RHBDL3: variants seen among roughly 807,000 people sequenced by gnomAD.
The protein encoded by RHBDL3 is rhomboid-related protein 3.
Under a neutral mutation model 48.2 loss-of-function variants are expected in RHBDL3, and 28 were observed. That is an observed-to-expected ratio of 0.58 (90% CI 0.43 to 0.80). The LOEUF is 0.80. RHBDL3 is among the 30% of genes least tolerant of loss of function. The pLI is 0.00. For synonymous variants in RHBDL3, 208 were observed against 232.3 expected, an observed-to-expected ratio of 0.90 and a Z score of 0.95; for missense variants, 464 against 542.7, an observed-to-expected ratio of 0.85 and a Z score of 1.44.
At chr17:32,287,450 A>G (rs2040224633) in intron 3 of RHBDL3, among the ~76,000 whole-genome samples, 1 of 152,164 alleles carries the variant, frequency 6.6e-6, no homozygotes, top group Non-Finnish European at 1.5e-5. Context: ...GAGAATGGGG[A>G]TAGAGAATGG....
chr17:32,302,552 T>TATATA (rs1491108296), intron 6 of RHBDL3, among the ~76,000 whole-genome samples: 3 of 38,998 alleles, frequency 7.7e-5, no homozygotes, highest in African/African-American at 2.6e-4. Flanking sequence ...TATATATATA[T>TATATA]TTTTTTTTAG....
At chr17:32,314,006 G>A (rs1204125841) in intron 7 of RHBDL3, among the ~76,000 whole-genome samples, 1 of 152,090 alleles carries the variant, frequency 6.6e-6, no homozygotes. Flanking sequence ...TGATCTGTCC[G>A]ACTCGGCCTC....
intron 1 of RHBDL3, among the ~76,000 whole-genome samples, chr17:32,267,439 A>AGGG (rs147012572): frequency 0.021 from 2,847 of 135,460 alleles, 67 homozygotes; most frequent in Non-Finnish European, 0.026. Context: ...CTGGGGGGGG[A>AGGG]GGGGGGGGCT....
intron 2 of RHBDL3, among the ~76,000 whole-genome samples, chr17:32,275,779 C>G (rs2039882772): frequency 6.6e-6 from 1 of 152,004 alleles, no homozygotes; most frequent in Non-Finnish European, 1.5e-5. Flanking sequence ...GAGGGCTGAG[C>G]TGCCTCCCGC....
At chr17:32,272,963 T>C (rs2039808359) in intron 2 of RHBDL3, among the ~76,000 whole-genome samples, 1 of 152,220 alleles carries the variant, frequency 6.6e-6, no homozygotes, top group African/African-American at 2.4e-5. Context: ...AGAAGGTTAA[T>C]GGAGGCATCT....
chr17:32,270,468 A>C (rs1466070256), intron 2 of RHBDL3, among the ~76,000 whole-genome samples: 1 of 151,904 alleles, frequency 6.6e-6, no homozygotes, highest in Non-Finnish European at 1.5e-5. Flanking sequence ...ACTGGACCCC[A>C]AGGGCTAGAA....
intron 1 of RHBDL3, among the ~76,000 whole-genome samples, chr17:32,266,983 C>T (rs982401294): frequency 6.6e-6 from 1 of 152,092 alleles, no homozygotes; most frequent in Non-Finnish European, 1.5e-5. Context: ...GCTCGGGTCT[C>T]CATCCCTCCG....
chr17:32,321,283 C>A lies in RHBDL3; in HGVS notation c.*54C>A. 3.1e-6 allele frequency: 5 copies of A among 1,610,330 alleles called. No homozygotes were observed. The highest frequency in any genetic ancestry group is 4.2e-6 in the Non-Finnish European group (5 of 1,179,150). ...AGGGAAAAGCAGCACCCACAGGGAG[C>A]GCCTGCGAGGTTTCTTCTCATCACC... On this transcript the variant is annotated 3_prime_UTR_variant, in exon 9 of 9. Coordinates refer to ENST00000269051, the MANE Select transcript of RHBDL3 (RefSeq NM_138328.3).
In RHBDL3 at chr17:32,316,232, A is replaced by C; in HGVS notation, c.883A>C (p.Asn295His). The C allele has an allele frequency of 1.2e-6, 2 of 1,612,650 alleles. No homozygotes were observed. The highest frequency in any genetic ancestry group is 1.7e-6 in the Non-Finnish European group (2 of 1,178,772). Reference protein sequence around the residue: ...VSAHLANIVMNWSGMKCQFKL... With the variant: ...VSAHLANIVMHWSGMKCQFKL... ...TGACTGAGCTCTCCTTTTTCCCTAGAACTGGTCAGGCATGAAGTGCCAGTT... is the reference window on the plus strand; with the variant it reads ...TGACTGAGCTCTCCTTTTTCCCTAGCACTGGTCAGGCATGAAGTGCCAGTT... The change falls in exon 8 of 9, where the codon AAC (asparagine) becomes CAC (histidine). Residue 295 changes from asparagine to histidine, a missense_variant and splice_region_variant. Physicochemically the swap from Asn to His is moderately conservative, Grantham distance 68. Coordinates refer to ENST00000269051, the MANE Select transcript of RHBDL3 (RefSeq NM_138328.3).
chr17:32,284,670 G>T lies in RHBDL3; in HGVS notation c.147G>T (p.Gly49=). ...WKVLFDQFDP[G]NTGYISTGKF... Reference sequence around the variant, plus strand: ...TGCTTTTCCCTCAGTTTGACCCTGGGAACACAGGCTACATTAGCACAGGCA... The same window carrying T: ...TGCTTTTCCCTCAGTTTGACCCTGGTAACACAGGCTACATTAGCACAGGCA... The change falls in exon 3 of 9, where the codon GGG becomes GGT. Residue 49 remains glycine, a synonymous_variant. Transcript: ENST00000269051. 1 of 1,614,068 alleles carries T rather than the reference G, an allele frequency of 6.2e-7. No individual in the cohort carries two copies. Among genetic ancestry groups the T allele is most frequent in the South Asian group, 1.1e-5 (1 of 91,080 alleles).
intron 4 of RHBDL3, 127 bp from the exon 5 acceptor site, chr17:32,294,167 G>A: frequency 2.8e-6 from 2 of 708,178 alleles, no homozygotes; most frequent in Non-Finnish European, 2.3e-6. Context: ...CCTGGCTGTG[G>A]GGTATCCCTC....
chr17:32,305,197 T>C (rs1165174199), intron 6 of RHBDL3, 144 bp from the exon 7 acceptor site: 2 of 643,270 alleles, frequency 3.1e-6, no homozygotes, highest in Non-Finnish European at 5.7e-6. Flanking sequence ...GGAATCTCCC[T>C]GGCAACATGG....
chr17:32,316,632 C>T (rs960134420), intron 8 of RHBDL3, among the ~76,000 whole-genome samples: 19 of 152,000 alleles, frequency 1.3e-4, no homozygotes, highest in African/African-American at 4.6e-4. Context: ...GATCCTCCCT[C>T]TTCAGCCTCC....
intron 2 of RHBDL3, among the ~76,000 whole-genome samples, chr17:32,269,135 C>G (rs963583186): frequency 1.1e-4 from 16 of 152,082 alleles, no homozygotes. Flanking sequence ...ATCACTTGAA[C>G]CCAGTAGTTC....
intron 2 of RHBDL3, among the ~76,000 whole-genome samples, chr17:32,279,066 T>C (rs561719323): frequency 9.5e-4 from 144 of 152,016 alleles, no homozygotes; most frequent in South Asian, 2.3e-3. Context: ...AATTCAAGGT[T>C]ATGAATTCTA....
In RHBDL3 at chr17:32,317,625, C is replaced by T. The variant is rs1016533402; in HGVS notation, c.943+1333C>T. The stretch of plus-strand genomic sequence containing the variant: ...AGTTGGTTAGCAAAACCAAGAAATT[C>T]GTTTTGGGATTGTGTGTGATTTTGA... On this transcript the variant is annotated intron_variant, in intron 8 of 8. Transcript: ENST00000269051. Among the ~76,000 whole-genome samples, 4 of 152,084 alleles carry T rather than the reference C, an allele frequency of 2.6e-5. No homozygotes were observed. The South Asian group carries it at 6.2e-4, about 24-fold the overall frequency.
rs575456210 is a variant in RHBDL3, at chr17:32,268,034, G to C, written c.135+109G>C. On this transcript the variant is annotated intron_variant, in intron 2 of 8. Coordinates refer to ENST00000269051, the MANE Select transcript of RHBDL3 (RefSeq NM_138328.3). ...CTCCGCGCTCCTGAGATGGTGACGT[G>C]GGGTGGGGGTGTGGCTTTGTGCATC... 4.7e-6 allele frequency: 4 copies of C among 849,556 alleles called. No homozygotes were observed. In the Admixed American group the frequency reaches 6.9e-5, roughly 15 times the overall value. 52.6% of individuals were successfully genotyped at this position (849,556 alleles called of 1,614,324 possible).
At chr17:32,274,130 C>T (rs377585771) in intron 2 of RHBDL3, among the ~76,000 whole-genome samples, 22 of 152,216 alleles carry the variant, frequency 1.4e-4, no homozygotes, top group African/African-American at 5.1e-4. Flanking sequence ...TGAAAAATCA[C>T]ATTTCCCCTG....
At chr17:32,276,464 C>A (rs2150695883) in intron 2 of RHBDL3, among the ~76,000 whole-genome samples, 1 of 152,254 alleles carries the variant, frequency 6.6e-6, no homozygotes, top group Non-Finnish European at 1.5e-5. Flanking sequence ...CATGAAAGGG[C>A]CAGAGTTCCC....
Sources: allele counts gnomAD v4.1 joint callset (sites outside exome capture counted in the v4.1 genomes callset), GRCh38; gene constraint gnomAD v4.1.1; transcripts MANE v1.5; gene names NCBI Gene and HGNC (gene_info 2026-07-23, HGNC 2026-07-21).